Variants in PLCG2 observed in about 807,000 individuals in gnomAD.
PLCG2 encodes phospholipase C gamma 2.
PLCG2 carries 69 observed loss-of-function variants against 175.6 expected under a neutral mutation model. That is an observed-to-expected ratio of 0.39 (90% confidence interval 0.32 to 0.48). PLCG2 has a LOEUF of 0.48. Ranked by LOEUF, PLCG2 falls within the 20% of genes least tolerant of loss-of-function variation. The pLI, the probability that PLCG2 is intolerant of heterozygous loss-of-function variation, is 0.91. For synonymous variants in PLCG2, 827 were observed against 624.0 expected (o/e 1.33, Z -4.85); for missense variants, 1,798 against 1,650.9 (o/e 1.09, Z -1.54).
intron 2 of PLCG2, among the ~76,000 whole-genome samples, chr16:81,765,306 G>A (rs1312228449): frequency 1.3e-5 from 2 of 152,372 alleles, no homozygotes; most frequent in East Asian, 3.9e-4. Flanking sequence ...AGAGAGGCAT[G>A]GGACAATCTC....
intron 2 of PLCG2, among the ~76,000 whole-genome samples, chr16:81,822,880 G>A (rs1335207533): frequency 2.0e-5 from 3 of 152,148 alleles, no homozygotes; most frequent in Non-Finnish European, 4.4e-5. Flanking sequence ...GAGGCCACAC[G>A]GCCACGATTG....
At chr16:81,904,708 T>C (rs1163735198) in intron 14 of PLCG2, among the ~76,000 whole-genome samples, 1 of 152,206 alleles carries the variant, frequency 6.6e-6, no homozygotes, top group Non-Finnish European at 1.5e-5. Context: ...CTAAGTGCTC[T>C]TCTAGCACAG....
chr16:81,854,693 T>C, intron 3 of PLCG2, 106 bp downstream of exon 3: 1 of 1,031,922 alleles, frequency 9.7e-7, no homozygotes, highest in Non-Finnish European at 1.5e-6. Context: ...CTGATGTGTA[T>C]TTGGGGTCAT....
chr16:81,745,215 C>T (rs1909680389), intron 1 of PLCG2, among the ~76,000 whole-genome samples: 1 of 152,190 alleles, frequency 6.6e-6, no homozygotes, highest in Non-Finnish European at 1.5e-5. Flanking sequence ...CCAGTGGTGG[C>T]ATTCCTAGCC....
chr16:81,783,136 A>C (rs1231758306), intron 1 of PLCG2: 1 of 492,496 alleles, frequency 2.0e-6, no homozygotes, highest in East Asian at 5.7e-5. Flanking sequence ...GTCTAATTGA[A>C]GGTGTTATAA....
At chr16:81,804,389 C>T (rs1911897343) in intron 2 of PLCG2, among the ~76,000 whole-genome samples, 1 of 152,150 alleles carries the variant, frequency 6.6e-6, no homozygotes, top group Non-Finnish European at 1.5e-5. Flanking sequence ...CTTTTCTGGG[C>T]CCCAGCATTG....
chr16:81,934,317 A>G (rs1910620190), intron 25 of PLCG2, 112 bp from the exon 26 acceptor site: 2 of 669,764 alleles, frequency 3.0e-6, no homozygotes. Flanking sequence ...ACCATATTAA[A>G]GATCCGAGTG....
chr16:81,885,799 G>A (rs961829461), intron 9 of PLCG2, among the ~76,000 whole-genome samples: 7 of 152,126 alleles, frequency 4.6e-5, no homozygotes, highest in African/African-American at 1.4e-4. Flanking sequence ...CTCAGGAAAG[G>A]GTCGTAGCTA....
Position 81,915,670 on chromosome 16 carries a change from C to T in PLCG2, c.2054+2954C>T, listed in dbSNP as rs80270711. On this transcript the variant is annotated intron_variant, in intron 19 of 32. Transcript: ENST00000564138. ...AAGCTAATAGACGATGATCCTAATG[C>T]TCCCCATGCGACGGGTTGTGGATCC... 5.9e-3 allele frequency among the ~76,000 whole-genome samples: 900 copies of T among 152,320 alleles called. 6 individuals are homozygous for T. The highest frequency in any genetic ancestry group is 0.021 in the African/African-American group (856 of 41,564).
upstream of PLCG2, among the ~76,000 whole-genome samples, chr16:81,776,911 C>T (rs1261621908): frequency 1.3e-5 from 2 of 152,086 alleles, no homozygotes; most frequent in Admixed American, 6.5e-5. Flanking sequence ...GAAGGGCCTC[C>T]AGTACTCTCT....
chr16:81,905,072 A>T (rs4439757), intron 14 of PLCG2, among the ~76,000 whole-genome samples: 118,334 of 152,102 alleles, frequency 0.78, 47,277 homozygotes, highest in East Asian at 0.97. Flanking sequence ...ATTTTTGTAG[A>T]TACAGGGTTT....
chr16:81,871,173 A>G (rs1376323973), intron 7 of PLCG2, among the ~76,000 whole-genome samples: 6 of 152,180 alleles, frequency 3.9e-5, no homozygotes, highest in Non-Finnish European at 2.9e-5. Flanking sequence ...TCCTGGTGGA[A>G]ATGCGAATGG....
Position 81,763,212 on chromosome 16 carries a change from C to T in PLCG2, c.-48+7246C>T, listed in dbSNP as rs531744447. 1.1e-3 allele frequency among the ~76,000 whole-genome samples: 163 copies of T among 152,342 alleles called. 1 individual carries two copies. Among genetic ancestry groups the T allele is most frequent in the South Asian group, 4.8e-3 (23 of 4,826 alleles). On this transcript the variant is annotated intron_variant, in intron 2 of 5. Coordinates refer to the PLCG2 transcript ENST00000565054. The stretch of plus-strand genomic sequence containing the variant: ...GAGAACCCAGCCTCTCCTCCACTGC[C>T]GCAGATGATTCTGCTGTAGCCCAGA...
intron 2 of PLCG2, among the ~76,000 whole-genome samples, chr16:81,839,914 G>C (rs946367450): frequency 7.2e-5 from 11 of 152,320 alleles, no homozygotes; most frequent in African/African-American, 2.2e-4. Context: ...AGGTAGGTGT[G>C]ATGGTGCATG....
chr16:81,879,848 C>G (rs568243972), intron 7 of PLCG2, among the ~76,000 whole-genome samples: 1 of 152,286 alleles, frequency 6.6e-6, no homozygotes, highest in Admixed American at 6.5e-5. Flanking sequence ...GGAAGAGCCT[C>G]TTCATCATGC....
At chr16:81,881,102 G>C (rs1325960432) in intron 8 of PLCG2, 149 bp downstream of exon 8, 4 of 729,642 alleles carry the variant, frequency 5.5e-6, no homozygotes, top group South Asian at 1.6e-5. Flanking sequence ...GCCATCCCAT[G>C]CCTGTGGCGT....
chr16:81,759,716 A>G lies in PLCG2; in HGVS notation c.-48+3750A>G, dbSNP rs112794157. Among the ~76,000 whole-genome samples, 588 of 152,370 alleles carry G rather than the reference A, an allele frequency of 3.9e-3. 3 individuals carry two copies. The highest frequency in any genetic ancestry group is 0.013 in the African/African-American group (561 of 41,576). On this transcript the variant is annotated intron_variant, in intron 2 of 5. Transcript: ENST00000565054. The stretch of plus-strand genomic sequence containing the variant: ...TCCAAGGATAGCTTATAGCTTGTAT[A>G]TATGGACATATACTTGTCAAATTTC...
intron 2 of PLCG2, among the ~76,000 whole-genome samples, chr16:81,848,676 C>T (rs938046476): frequency 1.3e-5 from 2 of 152,186 alleles, no homozygotes; most frequent in African/African-American, 4.8e-5. Context: ...CCATTTCTCT[C>T]TGTCCCTTTC....
chr16:81,741,130 G>C (rs148105012), intron 1 of PLCG2, among the ~76,000 whole-genome samples: 2 of 152,184 alleles, frequency 1.3e-5, no homozygotes, highest in Non-Finnish European at 2.9e-5. Flanking sequence ...GCCTCACACC[G>C]AGACACTGGC....
Sources: gnomAD v4.1 joint callset for allele counts (sites outside exome capture counted in the v4.1 genomes callset) on GRCh38, gnomAD v4.1.1 for gene constraint, MANE v1.5 for transcripts, NCBI Gene and HGNC (gene_info 2026-07-23, HGNC 2026-07-21) for gene names.